Variants in CUX2 observed in about 807,000 individuals in gnomAD.
CUX2 encodes the protein cut like homeobox 2.
In CUX2, 40 loss-of-function variants were observed where a neutral mutation model predicts 144.8. That is an observed-to-expected ratio of 0.28 (90% CI 0.21 to 0.36). CUX2 has a LOEUF of 0.36. CUX2 is among the 10% of genes least tolerant of loss of function. CUX2 has a pLI of 1.00. For missense variants in CUX2, 1,615 were observed against 1,994.0 expected, an observed-to-expected ratio of 0.81 and a Z score of 3.62; for synonymous variants, 827 against 875.6, an observed-to-expected ratio of 0.94 and a Z score of 0.98.
intron 1 of CUX2, among the ~76,000 whole-genome samples, chr12:111,109,692 G>A (rs1395582281): frequency 6.6e-5 from 10 of 152,222 alleles, no homozygotes; most frequent in Non-Finnish European, 1.5e-5. Flanking sequence ...ACAGGTTGGG[G>A]CATTTTTGGT....
intron 3 of CUX2, among the ~76,000 whole-genome samples, chr12:111,235,464 T>A (rs1882694545): frequency 6.6e-6 from 1 of 152,102 alleles, no homozygotes; most frequent in Non-Finnish European, 1.5e-5. Flanking sequence ...GGCTCATGCC[T>A]GTAATCCCAG....
chr12:111,188,756 G>A (rs964208318), intron 1 of CUX2, among the ~76,000 whole-genome samples: 10 of 152,044 alleles, frequency 6.6e-5, no homozygotes, highest in South Asian at 4.2e-4. Context: ...CTCTTGTCAC[G>A]GCAGGTTTTA....
chr12:111,041,462 T>G (rs984598521), intron 1 of CUX2, among the ~76,000 whole-genome samples: 2 of 152,242 alleles, frequency 1.3e-5, no homozygotes, highest in African/African-American at 4.8e-5. Flanking sequence ...ACTAATATTA[T>G]ATGTAGTATA....
In CUX2 at chr12:111,171,866, C is replaced by G. The variant is rs1034479621; in HGVS notation, c.64-42334C>G. 6.6e-6 allele frequency among the ~76,000 whole-genome samples: 1 copy of G among 152,214 alleles called. No homozygotes were observed. The highest frequency in any genetic ancestry group is 2.1e-4 in the South Asian group (1 of 4,830). ...ATGTGGGTCCTGGGCCTTACCTGTA[C>G]CAAATAAATAACCCATTTCCCAATG... On this transcript the variant is annotated intron_variant, in intron 1 of 21. Transcript: ENST00000261726. The surrounding 1 kb of genome is among the most constrained non-coding windows in gnomAD (Gnocchi z 5.0).
At chr12:111,316,064 A>AT (rs1372074467) in intron 16 of CUX2, among the ~76,000 whole-genome samples, 2 of 151,654 alleles carry the variant, frequency 1.3e-5, no homozygotes, top group African/African-American at 2.4e-5. Flanking sequence ...TTTTTTTTGC[A>AT]TGCTCCTCTG....
At position 111,308,224 on chromosome 12, in the gene CUX2, A is replaced by G. The variant is rs1359734401; in HGVS notation, c.1110-61A>G. The G allele has an allele frequency of 3.1e-6, 5 of 1,598,968 alleles. No homozygotes were observed. In the African/African-American group the frequency reaches 6.7e-5, roughly 21 times the overall value. The stretch of plus-strand genomic sequence containing the variant: ...GGTAAGCCGGGTCAGTGCCTCTTGA[A>G]AGACCTCTCCTCCAGCCCGGGGGCT... On this transcript the variant is annotated intron_variant, in intron 12 of 21. Transcript: ENST00000261726.
At chr12:111,318,599 T>TAAA (rs1320526925) in intron 16 of CUX2, among the ~76,000 whole-genome samples, 4,631 of 147,342 alleles carry the variant, frequency 0.031, 180 homozygotes, top group African/African-American at 0.085. Flanking sequence ...TCTCTTTTTT[T>TAAA]AAAAAAAAAA....
At chr12:111,172,403 C>T (rs765581122) in intron 1 of CUX2, among the ~76,000 whole-genome samples, 1 of 152,198 alleles carries the variant, frequency 6.6e-6, no homozygotes, top group Non-Finnish European at 1.5e-5. Flanking sequence ...TCTTGGCTGC[C>T]AGAGAGATTT....
chr12:111,284,899 G>A (rs1885297159), intron 4 of CUX2, among the ~76,000 whole-genome samples: 1 of 152,154 alleles, frequency 6.6e-6, no homozygotes. Flanking sequence ...CTTAGAGCCT[G>A]TTTCCTCCTC....
At chr12:111,346,960 T>G (rs1888836420) in intron 21 of CUX2, among the ~76,000 whole-genome samples, 1 of 152,116 alleles carries the variant, frequency 6.6e-6, no homozygotes, top group Non-Finnish European at 1.5e-5. Context: ...TGCAGTGAGC[T>G]GAGATCGCAC....
chr12:111,294,404 A>G (rs928427220), intron 6 of CUX2, among the ~76,000 whole-genome samples: 6 of 151,808 alleles, frequency 4.0e-5, no homozygotes, highest in African/African-American at 1.5e-4. Flanking sequence ...CTGTGTGCCC[A>G]TATATATATG....
intron 1 of CUX2, among the ~76,000 whole-genome samples, chr12:111,176,078 G>C (rs1280994831): frequency 9.9e-6 from 1 of 101,174 alleles, no homozygotes; most frequent in Non-Finnish European, 1.8e-5. Context: ...AGACAGAGTT[G>C]TTTCACTCTG....
At chr12:111,054,057 G>C (rs1156986233) in intron 1 of CUX2, among the ~76,000 whole-genome samples, 1 of 152,196 alleles carries the variant, frequency 6.6e-6, no homozygotes, top group African/African-American at 2.4e-5. Context: ...AGGAGGCTGA[G>C]GCAGGAGAAT....
Position 111,246,663 on chromosome 12 carries a change from C to T in CUX2, c.223-17098C>T, listed in dbSNP as rs1252064315. ...TGTGGAATTTGGACCACAGACTCCA[C>T]GTTTGCAAAGTTGGACTTAGAGGAA... On this transcript the variant is annotated intron_variant, in intron 3 of 21. Transcript: ENST00000261726. This position sits in a 1 kb window ranked among gnomAD's most constrained non-coding sequence, Gnocchi z 4.0. 6.6e-6 allele frequency among the ~76,000 whole-genome samples: 1 copy of T among 152,200 alleles called. No individual in the cohort carries two copies. The highest frequency in any genetic ancestry group is 1.5e-5 in the Non-Finnish European group (1 of 68,034).
chr12:111,134,620 C>CTCTCTGTGTGTGTGTG (rs1026548098), intron 1 of CUX2, among the ~76,000 whole-genome samples: 22 of 142,208 alleles, frequency 1.5e-4, no homozygotes, highest in African/African-American at 6.1e-4. Flanking sequence ...CTCTCTCTCT[C>CTCTCTGTGTGTGTGTG]TGTGTGTGTG....
intron 1 of CUX2, among the ~76,000 whole-genome samples, chr12:111,176,069 G>A (rs531588931): frequency 8.1e-6 from 1 of 124,056 alleles, no homozygotes; most frequent in Admixed American, 8.8e-5. Flanking sequence ...TTTTTTGAGA[G>A]ACAGAGTTGT....
At chr12:111,101,791 C>A (rs907095785) in intron 1 of CUX2, among the ~76,000 whole-genome samples, 1 of 152,168 alleles carries the variant, frequency 6.6e-6, no homozygotes, top group African/African-American at 2.4e-5. Context: ...TGGAACAAGG[C>A]AGACTTCCGT....
chr12:111,098,391 C>T (rs577387901), intron 1 of CUX2, among the ~76,000 whole-genome samples: 50 of 148,058 alleles, frequency 3.4e-4, no homozygotes, highest in Non-Finnish European at 5.5e-4. Context: ...CAGAGCGAGA[C>T]TTCGTCTCAA....
intron 1 of CUX2, among the ~76,000 whole-genome samples, chr12:111,060,914 A>T (rs957064225): frequency 8.5e-5 from 13 of 152,238 alleles, no homozygotes; most frequent in African/African-American, 3.1e-4. Flanking sequence ...TGGAAGGCCA[A>T]GTGCCAGGGA....
Sources: allele counts gnomAD v4.1 joint callset (sites outside exome capture counted in the v4.1 genomes callset), GRCh38; gene constraint gnomAD v4.1.1; non-coding constraint Gnocchi (gnomAD v3.1); transcripts MANE v1.5; gene names NCBI Gene and HGNC (gene_info 2026-07-23, HGNC 2026-07-21).